The following WWC1 variants were observed in gnomAD, a reference collection of about 807,000 sequenced individuals.
The protein encoded by WWC1 is protein KIBRA.
WWC1 carries 55 observed loss-of-function variants against 138.4 expected under a neutral mutation model. The ratio of observed to expected loss-of-function variants is 0.40; its 90% CI spans 0.32 to 0.50. The LOEUF (loss-of-function observed/expected upper bound fraction) is 0.50, where lower values mean the gene tolerates loss of function less well. WWC1 is among the 20% of genes least tolerant of loss of function. The pLI, the probability that WWC1 is intolerant of heterozygous loss-of-function variation, is 0.72. For missense variants in WWC1, 1,226 were observed against 1,420.4 expected (o/e 0.86, Z 2.20); for synonymous variants, 524 against 564.9 (o/e 0.93, Z 1.03).
intron 1 of WWC1, among the ~76,000 whole-genome samples, chr5:168,365,371 G>C (rs1350641836): frequency 6.6e-6 from 1 of 152,160 alleles, no homozygotes; most frequent in East Asian, 1.9e-4. Flanking sequence ...CCAGCATCCT[G>C]CTGGACGGTA....
At chr5:168,372,053 TTGTG>T (rs10595228) in intron 2 of WWC1, among the ~76,000 whole-genome samples, 9,612 of 141,242 alleles carry the variant, frequency 0.068, 597 homozygotes, top group East Asian at 0.34. Context: ...AAGAGTGTGT[TTGTG>T]TGTGTGTGTG....
In WWC1 at chr5:168,448,592, A is replaced by G. The variant is rs111394309; in HGVS notation, c.2525+4007A>G. On this transcript the variant is annotated intron_variant, in intron 17 of 22. Coordinates refer to ENST00000265293, the MANE Select transcript of WWC1 (RefSeq NM_015238.3). ...GTGTGTTTTTTATATTTTAATAGAC[A>G]TCATAGAATAGTTCTCAAATAAGAT... 2.6e-3 allele frequency among the ~76,000 whole-genome samples: 387 copies of G among 150,324 alleles called. 4 individuals carry two copies. The highest frequency in any genetic ancestry group is 8.5e-3 in the African/African-American group (346 of 40,852).
chr5:168,305,205 TG>T (rs1399607325), intron 1 of WWC1, among the ~76,000 whole-genome samples: 1 of 150,760 alleles, frequency 6.6e-6, no homozygotes, highest in Non-Finnish European at 1.5e-5. Context: ...TGACCTCAGG[TG>T]ATCTGCCTGC....
At position 168,441,757 on chromosome 5, in the gene WWC1, T is replaced by C. The variant is rs760089235; in HGVS notation, c.2356T>C (p.Tyr786His). ...RSTRWYNLLS[Y>H]KYLKKQSREL... ...GACTCGCTGGTACAACCTTCTCAGC[T>C]ACAAATACTTGAAGAAACAGAGCAG... is the stretch of plus-strand genomic sequence containing the variant. Residue 786 changes from tyrosine to histidine, a missense_variant, in exon 16 of 23, where the codon TAC (tyrosine) becomes CAC (histidine). Around this residue, in one of 3 missense-constraint regions of WWC1, gnomAD observed 1,016 missense variants for 1,153.9 expected, o/e 0.88. Coordinates refer to ENST00000265293, the MANE Select transcript of WWC1 (RefSeq NM_015238.3). 2 of 1,614,164 alleles carry C rather than the reference T, an allele frequency of 1.2e-6. No individual in the cohort carries two copies. Among genetic ancestry groups the C allele is most frequent in the Admixed American group, 3.3e-5 (2 of 60,024 alleles).
intron 9 of WWC1, 143 bp from the exon 10 acceptor site, chr5:168,421,865 A>T (rs913566129): frequency 1.0e-5 from 6 of 596,310 alleles, no homozygotes; most frequent in Non-Finnish European, 1.9e-5. Context: ...ATTATAATAT[A>T]TGTGGAAGCT....
rs773754938 is a variant in WWC1 at position 168,399,593 on chromosome 5, A to T, written c.590+26A>T. 4.3e-6 allele frequency: 7 copies of T among 1,612,014 alleles called. No individual in the cohort carries two copies. In the Admixed American group the frequency reaches 8.3e-5, roughly 19 times the overall value. ...GTAAGTACACCCTGCATCCCAGAGC[A>T]TGGGGGCTGCTCCCCACCCTGGTTC... On this transcript the variant is annotated intron_variant, in intron 5 of 22. Transcript: ENST00000265293.
chr5:168,339,868 T>TCTCTCTCC lies in WWC1; in HGVS notation c.120-31540_120-31533dup, dbSNP rs1233946772. Among the ~76,000 whole-genome samples the TCTCTCTCC allele has an allele frequency of 1.6e-3, 235 of 144,472 alleles. 1 individual carries two copies. The highest frequency in any genetic ancestry group is 5.6e-3 in the African/African-American group (210 of 37,204). 94.8% of individuals were successfully genotyped at this position (144,472 alleles called of 152,430 possible). ...TTCTTTCTTTCTCTCTTTCTCTCTC[T>TCTCTCTCC]CTCTCTCCCTCTCTCCCTCTCTCTC... is the stretch of plus-strand genomic sequence containing the variant. On this transcript the variant is annotated intron_variant, in intron 1 of 22. Coordinates refer to ENST00000265293, the MANE Select transcript of WWC1 (RefSeq NM_015238.3).
rs1254332056 is a variant in WWC1, at chr5:168,458,367, G to C, written c.2824-2283G>C. 2.0e-5 allele frequency among the ~76,000 whole-genome samples: 3 copies of C among 152,288 alleles called. No homozygotes were observed. In the East Asian group the frequency reaches 5.8e-4, roughly 29 times the overall value. On this transcript the variant is annotated intron_variant, in intron 19 of 22. Transcript: ENST00000265293. ...TGTTGCTCAGAGCCACCTCCTGAGG[G>C]CCTTCCTCTGGCCTCCTCGGGTCTG...
At chr5:168,370,459 A>T (rs968895270) in intron 1 of WWC1, among the ~76,000 whole-genome samples, 1 of 152,200 alleles carries the variant, frequency 6.6e-6, no homozygotes, top group Non-Finnish European at 1.5e-5. Flanking sequence ...TTGCCAGTCT[A>T]TAGAAAGAAT....
At chr5:168,389,370 G>A (rs1484620001) in intron 3 of WWC1, among the ~76,000 whole-genome samples, 3 of 150,468 alleles carry the variant, frequency 2.0e-5, no homozygotes, top group African/African-American at 7.3e-5. Context: ...TCGCTTGCTT[G>A]AACCCAGGAG....
chr5:168,385,563 C>T lies in WWC1; in HGVS notation c.433+149C>T, dbSNP rs1327757468. On this transcript the variant is annotated intron_variant, in intron 3 of 22. Coordinates refer to ENST00000265293, the MANE Select transcript of WWC1 (RefSeq NM_015238.3). ...CATCTTGTTTACTGCTCTTCCTGCTCCTACCTGTGCCTTGCAGTGATTCAT... is the reference window on the plus strand; with the variant it reads ...CATCTTGTTTACTGCTCTTCCTGCTTCTACCTGTGCCTTGCAGTGATTCAT... 1.7e-5 allele frequency: 13 copies of T among 759,110 alleles called. 1 individual carries two copies. The highest frequency in any genetic ancestry group is 3.5e-5 in the African/African-American group (2 of 56,710). The allele number at this position is 759,110 out of a possible 1,614,324, so 47.0% of individuals were successfully genotyped here. A position where few individuals can be genotyped will look rare whatever the true frequency, so the allele number is the denominator to read the frequency against.
rs189460820 is a variant in WWC1, at chr5:168,445,342, C to T, written c.2525+757C>T. Among the ~76,000 whole-genome samples the T allele has an allele frequency of 2.8e-3, 428 of 151,474 alleles. 3 individuals are homozygous for T. Among genetic ancestry groups the T allele is most frequent in the Middle Eastern group, 0.01 (3 of 292 alleles). On this transcript the variant is annotated intron_variant, in intron 17 of 22. Transcript: ENST00000265293. ...GAAGAAGAATGTAATCCCAGCTATT[C>T]GGGAGGCTGAGGCAGGAGGATTGCT...
chr5:168,441,863 C>T (rs1193927337), intron 16 of WWC1, 29 bp downstream of exon 16: 3 of 1,604,992 alleles, frequency 1.9e-6, no homozygotes, highest in Non-Finnish European at 1.7e-6. Flanking sequence ...TGCCACCTTC[C>T]CACAAGGCCG....
intron 19 of WWC1, among the ~76,000 whole-genome samples, chr5:168,456,559 G>A (rs1037449774): frequency 1.3e-5 from 2 of 152,136 alleles, no homozygotes; most frequent in Non-Finnish European, 2.9e-5. Flanking sequence ...GAACCCGGGG[G>A]GCAGAGGTTG....
intron 17 of WWC1, among the ~76,000 whole-genome samples, chr5:168,450,868 G>A (rs556669294): frequency 5.3e-5 from 8 of 151,940 alleles, no homozygotes; most frequent in South Asian, 2.1e-4. Context: ...TATGATCTTC[G>A]GAAGACACCA....
chr5:168,337,367 CCT>C lies in WWC1; in HGVS notation c.120-34052_120-34051del, dbSNP rs201691280. ...TGTAACTAGGAAGGTTTTGACATCT[CCT>C]CTCTTTCCTACACCCCTCCCCCCAG... On this transcript the variant is annotated intron_variant, in intron 1 of 22. Transcript: ENST00000265293. Among the ~76,000 whole-genome samples, 1,433 of 152,114 alleles carry C rather than the reference CCT, an allele frequency of 9.4e-3. 24 individuals are homozygous for C. The highest frequency in any genetic ancestry group is 0.033 in the African/African-American group (1,355 of 41,462).
At chr5:168,414,855 G>C in intron 9 of WWC1, 1 of 481,584 alleles carries the variant, frequency 2.1e-6, no homozygotes, top group Non-Finnish European at 3.6e-6. Flanking sequence ...TGTATCTTCT[G>C]ACTCAATTAA....
At chr5:168,409,028 G>A (rs952047308) in intron 7 of WWC1, among the ~76,000 whole-genome samples, 4 of 152,116 alleles carry the variant, frequency 2.6e-5, no homozygotes, top group Non-Finnish European at 5.9e-5. Flanking sequence ...CTGGACAGCA[G>A]AGGATATTTT....
At chr5:168,422,176 T>A in intron 10 of WWC1, 79 bp downstream of exon 10, 1 of 1,377,116 alleles carries the variant, frequency 7.3e-7, no homozygotes, top group South Asian at 1.2e-5. Flanking sequence ...GCCCAGGCTC[T>A]ACCCTTCACT....
Sources: gnomAD v4.1 joint callset for allele counts (sites outside exome capture counted in the v4.1 genomes callset) on GRCh38, gnomAD v4.1.1 for gene constraint, gnomAD v4.1.1 regional missense constraint, MANE v1.5 for transcripts, NCBI Gene and HGNC (gene_info 2026-07-23, HGNC 2026-07-21) for gene names.